The following CSMD3 variants were observed in gnomAD, a reference collection of about 807,000 sequenced individuals.
CSMD3 encodes CUB and sushi domain-containing protein 3.
CSMD3 carries 177 observed loss-of-function variants against 435.2 expected under a neutral mutation model. The ratio of observed to expected loss-of-function variants is 0.41; its 90% CI spans 0.36 to 0.46. CSMD3 has a LOEUF of 0.46. CSMD3 is among the 20% of genes least tolerant of loss of function. The pLI is 0.34. For missense variants in CSMD3, 4,265 were observed against 4,504.6 expected, an observed-to-expected ratio of 0.95 and a Z score of 1.52; for synonymous variants, 1,656 against 1,520.5, an observed-to-expected ratio of 1.09 and a Z score of -2.07.
intron 3 of CSMD3, among the ~76,000 whole-genome samples, chr8:113,253,737 G>A (rs142995031): frequency 0.01 from 1,533 of 151,988 alleles, 22 homozygotes; most frequent in African/African-American, 0.036. Context: ...TACTTGGGAG[G>A]CTGAGGCAGG....
chr8:113,027,453 C>T (rs1364565305), intron 5 of CSMD3, among the ~76,000 whole-genome samples: 1 of 152,130 alleles, frequency 6.6e-6, no homozygotes, highest in Non-Finnish European at 1.5e-5. Context: ...ATTTTCCACA[C>T]TGTGCAAGTC....
chr8:112,532,843 G>T (rs1399432183), intron 27 of CSMD3, among the ~76,000 whole-genome samples: 1 of 152,038 alleles, frequency 6.6e-6, no homozygotes, highest in South Asian at 2.1e-4. Context: ...TGTGTCTTTA[G>T]TCTGAAGAAG....
chr8:112,309,736 A>G (rs1236600178), intron 50 of CSMD3, among the ~76,000 whole-genome samples: 1 of 152,074 alleles, frequency 6.6e-6, no homozygotes, highest in East Asian at 1.9e-4. Flanking sequence ...TAATTCTTTC[A>G]TTTTGCATTT....
At chr8:113,079,457 A>AT (rs2089469465) in intron 5 of CSMD3, among the ~76,000 whole-genome samples, 1 of 152,090 alleles carries the variant, frequency 6.6e-6, no homozygotes, top group Admixed American at 6.6e-5. Context: ...GCTTCATTAC[A>AT]TTTTATCTTC....
intron 3 of CSMD3, among the ~76,000 whole-genome samples, chr8:113,235,258 A>G (rs72687674): frequency 0.064 from 9,813 of 152,158 alleles, 441 homozygotes; most frequent in Non-Finnish European, 0.094. Context: ...GAGAAAGACC[A>G]CTAATGTCCC....
Position 112,223,289 on chromosome 8 carries a change from G to C in CSMD3, c.*1482C>G, listed in dbSNP as rs1268225157. On this transcript the variant is annotated 3_prime_UTR_variant, in exon 71 of 71. Transcript: ENST00000297405. ...CAAGAAATTCATTAAATGTTGTAGA[G>C]ATAGAGCCAAGCAGCGCTCCCAGGT... 12 of 370,510 alleles carry C rather than the reference G, an allele frequency of 3.2e-5. No individual in the cohort carries two copies. The East Asian group carries it at 4.5e-4, about 14-fold the overall frequency. The allele number at this position is 370,510 out of a possible 1,614,324, so 23.0% of individuals were successfully genotyped here.
chr8:112,887,213 T>C (rs2081628045), intron 10 of CSMD3, among the ~76,000 whole-genome samples: 1 of 139,378 alleles, frequency 7.2e-6, no homozygotes, highest in Non-Finnish European at 1.6e-5. Flanking sequence ...TTTTTTTTTT[T>C]GAATAGTATA....
chr8:113,121,997 A>T (rs1369329477), intron 4 of CSMD3, among the ~76,000 whole-genome samples: 5 of 152,118 alleles, frequency 3.3e-5, no homozygotes, highest in African/African-American at 1.2e-4. Flanking sequence ...CGTAGTTTTG[A>T]TATTTTGTGT....
At chr8:112,666,639 G>T (rs1199592203) in intron 16 of CSMD3, among the ~76,000 whole-genome samples, 1 of 152,104 alleles carries the variant, frequency 6.6e-6, no homozygotes, top group Non-Finnish European at 1.5e-5. Context: ...CATTTAGCAT[G>T]TCAGGTAATA....
chr8:112,573,436 T>C (rs2131300235), intron 24 of CSMD3, 65 bp downstream of exon 24: 9 of 1,225,098 alleles, frequency 7.3e-6, no homozygotes, highest in Non-Finnish European at 1.1e-5. Context: ...ATTTGTGCAA[T>C]GTAATTATTT....
At chr8:113,347,765 C>G (rs1233498603) in intron 1 of CSMD3, among the ~76,000 whole-genome samples, 1 of 152,014 alleles carries the variant, frequency 6.6e-6, no homozygotes, top group African/African-American at 2.4e-5. Flanking sequence ...GACTTACTGT[C>G]AAGATACAAG....
At chr8:112,975,791 G>C (rs2084823064) in intron 7 of CSMD3, 46 bp downstream of exon 7, 1 of 1,610,890 alleles carries the variant, frequency 6.2e-7, no homozygotes, top group Non-Finnish European at 8.5e-7. Context: ...CCAAAATATA[G>C]CTTTGGCTGT....
intron 6 of CSMD3, among the ~76,000 whole-genome samples, chr8:113,001,056 T>C (rs2085844334): frequency 6.6e-6 from 1 of 152,030 alleles, no homozygotes; most frequent in Non-Finnish European, 1.5e-5. Context: ...ATCCTGTCAA[T>C]TTCAACATAA....
intron 6 of CSMD3, among the ~76,000 whole-genome samples, chr8:112,996,019 TATG>T (rs1174745278): frequency 6.6e-6 from 1 of 151,562 alleles, no homozygotes. Context: ...CTGTGTATAA[TATG>T]ATGTTTTGAA....
intron 21 of CSMD3, among the ~76,000 whole-genome samples, chr8:112,638,355 T>C (rs1039920799): frequency 2.6e-5 from 4 of 151,122 alleles, no homozygotes; most frequent in East Asian, 1.9e-4. Flanking sequence ...CTTTAAAATA[T>C]ATATTTTAAT....
intron 9 of CSMD3, among the ~76,000 whole-genome samples, chr8:112,925,688 G>A (rs1013490775): frequency 3.3e-5 from 5 of 152,090 alleles, no homozygotes; most frequent in Non-Finnish European, 7.4e-5. Flanking sequence ...AGATAAAGAA[G>A]GTAGGAAGAA....
chr8:113,128,799 T>C (rs2091209426), intron 4 of CSMD3, among the ~76,000 whole-genome samples: 2 of 152,092 alleles, frequency 1.3e-5, no homozygotes, highest in South Asian at 4.1e-4. Context: ...TTCAAATTAA[T>C]ACATAGCTAC....
At chr8:112,600,505 T>C (rs564899376) in intron 22 of CSMD3, among the ~76,000 whole-genome samples, 1 of 152,180 alleles carries the variant, frequency 6.6e-6, no homozygotes, top group Non-Finnish European at 1.5e-5. Flanking sequence ...TATATAAATA[T>C]TCCTTCCTCC....
intron 10 of CSMD3, among the ~76,000 whole-genome samples, chr8:112,913,321 C>T (rs1336680842): frequency 6.6e-6 from 1 of 151,764 alleles, no homozygotes; most frequent in Non-Finnish European, 1.5e-5. Context: ...ATGCACAGTT[C>T]ACAATAGGGT....
Sources: gnomAD v4.1 joint callset for allele counts (sites outside exome capture counted in the v4.1 genomes callset) on GRCh38, gnomAD v4.1.1 for gene constraint, MANE v1.5 for transcripts, NCBI Gene and HGNC (gene_info 2026-07-23, HGNC 2026-07-21) for gene names.